MICA: variants seen among roughly 807,000 people sequenced by gnomAD.
MICA encodes the protein MHC class I polypeptide-related sequence A, also known as HLA class I antigen.
MICA carries 18 observed loss-of-function variants against 34.3 expected under a neutral mutation model. The observed-to-expected ratio is 0.52, with a 90% CI of 0.36 to 0.78. The LOEUF is 0.78. Ranked by LOEUF, MICA falls within the 30% of genes least tolerant of loss-of-function variation. The pLI, the probability that MICA is intolerant of heterozygous loss-of-function variation, is 0.00. For synonymous variants in MICA, 135 were observed against 156.9 expected (o/e 0.86, Z 1.04); for missense variants, 333 against 409.4 (o/e 0.81, Z 1.61).
Position 31,411,948 on chromosome 6 carries a change from G to A in MICA, c.615G>A (p.Val205=). The change falls in exon 4 of 6, where the codon GTG becomes GTA. Residue 205 remains valine, a splice_region_variant and synonymous_variant. Coordinates refer to ENST00000449934, the MANE Select transcript of MICA (RefSeq NM_001177519.3). This position sits in a 1 kb window ranked among gnomAD's most constrained non-coding sequence, Gnocchi z 4.3. ...CTGGCTCTGCCCTTTCTTCTCCAGT[G>A]CCCCCCATGGTGAATGTCACCCGCA... The part of the protein sequence containing the change: ...LESGVVLRRT[V]PPMVNVTRSE... 1.9e-6 allele frequency: 3 copies of A among 1,610,912 alleles called. No individual in the cohort carries two copies. Among genetic ancestry groups the A allele is most frequent in the East Asian group, 4.5e-5 (2 of 44,824 alleles).
At position 31,412,036 on chromosome 6, in the gene MICA, A is replaced by T; in HGVS notation, c.703A>T (p.Ile235Phe). ...GGCTTCCAGCTTCTATCCCCGGAATATCATACTGACCTGGCGTCAGGATGG... is the reference window on the plus strand; with the variant it reads ...GGCTTCCAGCTTCTATCCCCGGAATTTCATACTGACCTGGCGTCAGGATGG... The part of the protein sequence containing the change: ...CRASSFYPRN[I>F]ILTWRQDGVS... The change falls in exon 4 of 6, where the codon ATC becomes TTC. Residue 235 changes from isoleucine (I) to phenylalanine (F), a missense_variant. Transcript: ENST00000449934. 6.2e-7 allele frequency: 1 copy of T among 1,612,978 alleles called. No individual in the cohort carries two copies.
At chr6:31,402,646 C>G (rs36223351), upstream of MICA, among the ~76,000 whole-genome samples, 441 of 151,864 alleles carry the variant, frequency 2.9e-3, 17 homozygotes, top group East Asian at 0.052. Context: ...GTTGAAGGAG[C>G]TGACTTTGAC....
intron 1 of MICA, among the ~76,000 whole-genome samples, chr6:31,406,032 C>A (rs1437612994): frequency 6.6e-6 from 1 of 151,816 alleles, no homozygotes; most frequent in Non-Finnish European, 1.5e-5. Flanking sequence ...TTTAATATAC[C>A]GATTTCCTTT....
chr6:31,414,992 C>T lies in MICA; in HGVS notation c.*30-20C>T, dbSNP rs780648993. 7 of 1,480,702 alleles carry T rather than the reference C, an allele frequency of 4.7e-6. No homozygotes were observed. In the South Asian group the frequency reaches 5.6e-5, roughly 12 times the overall value. 91.7% of individuals were successfully genotyped at this position (1,480,702 alleles called of 1,614,324 possible). On this transcript the variant is annotated intron_variant, in intron 5 of 5. Coordinates refer to ENST00000449934, the MANE Select transcript of MICA (RefSeq NM_001177519.3). Reference sequence around the variant, plus strand: ...CACTGCACCCAGTGGAGCATTTACCCATTTCCCTCTTTTCTCCAGAGCTCG... The same window carrying T: ...CACTGCACCCAGTGGAGCATTTACCTATTTCCCTCTTTTCTCCAGAGCTCG...
rs778187141 is a variant in MICA, at chr6:31,411,310, G to T, written c.564G>T (p.Leu188=). ...THYHAMHADC[L]QELRRYLESG... ...ATCACGCTATGCATGCAGACTGCCTGCAGGAACTACGGCGATATCTAGAAT... is the reference window on the plus strand; with the variant it reads ...ATCACGCTATGCATGCAGACTGCCTTCAGGAACTACGGCGATATCTAGAAT... The change falls in exon 3 of 6, where the codon CTG becomes CTT. Residue 188 remains leucine (L), a synonymous_variant. Transcript: ENST00000449934. This position sits in a 1 kb window ranked among gnomAD's most constrained non-coding sequence, Gnocchi z 4.3. 5 of 1,601,860 alleles carry T rather than the reference G, an allele frequency of 3.1e-6. No homozygotes were observed. The highest frequency in any genetic ancestry group is 4.3e-6 in the Non-Finnish European group (5 of 1,174,834).
rs773242477 is a variant in MICA at position 31,411,077 on chromosome 6, C to T, written c.331C>T (p.His111Tyr). Residue 111 changes from histidine (H) to tyrosine (Y), a missense_variant, in exon 3 of 6, where the codon CAT becomes TAT. By Grantham distance (83) the His-to-Tyr change is moderately conservative (BLOSUM62 2). Transcript: ENST00000449934. This position sits in a 1 kb window ranked among gnomAD's most constrained non-coding sequence, Gnocchi z 4.3. ...AHIKDQKEGL[H>Y]SLQEIRVCEI... ...TCACTGCTGGGTGGGGGCAGGCTTG[C>T]ATTCCCTCCAGGAGATTAGGGTCTG... 3.8e-6 allele frequency: 6 copies of T among 1,590,570 alleles called. No homozygotes were observed. The African/African-American group carries it at 8.1e-5, about 22-fold the overall frequency.
At position 31,413,892 on chromosome 6, in the gene MICA, A is replaced by T. The variant is rs556479299; in HGVS notation, c.*30-1120A>T. Among the ~76,000 whole-genome samples, 4 of 152,104 alleles carry T rather than the reference A, an allele frequency of 2.6e-5. No individual in the cohort carries two copies. The East Asian group carries it at 7.7e-4, about 29-fold the overall frequency. ...CTCAAAATTCCTGCTTTCAATGTTG[A>T]TGTCCAGTAAAGATATTCGTAATTT... is the stretch of plus-strand genomic sequence containing the variant. On this transcript the variant is annotated intron_variant, in intron 5 of 5. Coordinates refer to ENST00000449934, the MANE Select transcript of MICA (RefSeq NM_001177519.3).
In MICA at chr6:31,411,898, CT is replaced by C. The variant is rs776729782; in HGVS notation, c.614-48del. On this transcript the variant is annotated intron_variant, in intron 3 of 5. Transcript: ENST00000449934. The surrounding 1 kb of genome is among the most constrained non-coding windows in gnomAD (Gnocchi z 4.3). ...AGAGAAACAGCCCTGTTCCTCTCCCCTCCTTAGAGGGGAGCAGGGCTTCACT... is the reference window on the plus strand; with the variant it reads ...AGAGAAACAGCCCTGTTCCTCTCCCCCCTTAGAGGGGAGCAGGGCTTCACT... The C allele has an allele frequency of 1.3e-6, 2 of 1,576,770 alleles. No homozygotes were observed.
intron 5 of MICA, among the ~76,000 whole-genome samples, chr6:31,414,511 C>T (rs2267643): frequency 0.32 from 48,291 of 151,808 alleles, 8,263 homozygotes; most frequent in African/African-American, 0.39. Context: ...CCCCAGGCTT[C>T]CTGATGGGGT....
upstream of MICA, chr6:31,403,433 A>G (rs1296320758): frequency 4.0e-6 from 2 of 501,138 alleles, no homozygotes; most frequent in African/African-American, 4.1e-5. The surrounding 1 kb of genome is among the most constrained non-coding windows in gnomAD (Gnocchi z 4.7). Context: ...CCCGCCTTCT[A>G]AATCTCCCCA....
chr6:31,409,002 T>A (rs1295915126), intron 1 of MICA, among the ~76,000 whole-genome samples: 1 of 109,560 alleles, frequency 9.1e-6, no homozygotes, highest in African/African-American at 2.9e-5. Context: ...TGAAATTCCA[T>A]CTCCAAAAAA....
chr6:31,407,930 C>T (rs1358833057), intron 1 of MICA, among the ~76,000 whole-genome samples: 4 of 151,846 alleles, frequency 2.6e-5, no homozygotes, highest in Non-Finnish European at 4.4e-5. Context: ...TATTCCAGAT[C>T]TTAGAGAAAA....
At chr6:31,412,901 C>T (rs1298253353) in intron 5 of MICA, among the ~76,000 whole-genome samples, 4 of 151,824 alleles carry the variant, frequency 2.6e-5, no homozygotes, top group Non-Finnish European at 4.4e-5. Context: ...TGAGGAGAGG[C>T]GGTGCCCCTA....
chr6:31,403,268 G>C (rs17200081), upstream of MICA, among the ~76,000 whole-genome samples: 3,353 of 151,856 alleles, frequency 0.022, 96 homozygotes, highest in African/African-American at 0.044. The surrounding 1 kb of genome is among the most constrained non-coding windows in gnomAD (Gnocchi z 4.7). Context: ...CGCGCTCCTC[G>C]GGGTGGGGGC....
In MICA at chr6:31,411,379, G is replaced by C. The variant is rs768673951; in HGVS notation, c.613+20G>C. The C allele has an allele frequency of 7.1e-6, 11 of 1,539,960 alleles. No homozygotes were observed. Among genetic ancestry groups the C allele is most frequent in the Non-Finnish European group, 9.6e-6 (11 of 1,141,222 alleles). ...GAACAGGTACCGACGCTGGCCAGGG[G>C]CTCTCCTCTCCCTCCAATTCTGCTA... On this transcript the variant is annotated intron_variant, in intron 3 of 5. Coordinates refer to ENST00000449934, the MANE Select transcript of MICA (RefSeq NM_001177519.3). The surrounding 1 kb of genome is among the most constrained non-coding windows in gnomAD (Gnocchi z 4.3).
At chr6:31,409,039 AT>A (rs770420780) in intron 1 of MICA, among the ~76,000 whole-genome samples, 29 of 151,340 alleles carry the variant, frequency 1.9e-4, no homozygotes, top group Non-Finnish European at 3.4e-4. Flanking sequence ...TAATAATAAT[AT>A]TTTTGAGGTT....
chr6:31,407,303 C>A (rs1770799958), intron 1 of MICA, among the ~76,000 whole-genome samples: 1 of 151,928 alleles, frequency 6.6e-6, no homozygotes, highest in Admixed American at 6.6e-5. Flanking sequence ...AGGGTGTGAT[C>A]TTGGCTCACC....
In MICA at chr6:31,409,307, C is replaced by CTGTGTGTGTGTG. The variant is rs1491397090; in HGVS notation, c.71-1235_71-1234insGTGTGTGTGTGT. On this transcript the variant is annotated intron_variant, in intron 1 of 5. Coordinates refer to ENST00000449934, the MANE Select transcript of MICA (RefSeq NM_001177519.3). Reference sequence around the variant, plus strand: ...TTTCTCTGTCTCTTTGCCAACCTTGCTCTGTGTGTGTGTGTATGTGTGTGT... The same window carrying CTGTGTGTGTGTG: ...TTTCTCTGTCTCTTTGCCAACCTTGCTGTGTGTGTGTGTCTGTGTGTGTGTGTATGTGTGTGT... Among the ~76,000 whole-genome samples, 7 of 110,092 alleles carry CTGTGTGTGTGTG rather than the reference C, an allele frequency of 6.4e-5. No homozygotes were observed. The East Asian group carries it at 1.5e-3, about 23-fold the overall frequency. 72.2% of individuals were successfully genotyped at this position (110,092 alleles called of 152,430 possible).
At chr6:31,413,775 G>A (rs9266817) in intron 5 of MICA, among the ~76,000 whole-genome samples, 47,928 of 150,676 alleles carry the variant, frequency 0.32, 8,359 homozygotes, top group African/African-American at 0.4. Flanking sequence ...TAGAGGGATT[G>A]TCAGTTCTGG....
Sources: allele counts gnomAD v4.1 joint callset (sites outside exome capture counted in the v4.1 genomes callset), GRCh38; gene constraint gnomAD v4.1.1; non-coding constraint Gnocchi (gnomAD v3.1); transcripts MANE v1.5; gene names NCBI Gene and HGNC (gene_info 2026-07-23, HGNC 2026-07-21).